Variants in TMEM94 observed in about 807,000 individuals in gnomAD.
TMEM94 encodes ER Mg2+ ATPase.
TMEM94 carries 81 observed loss-of-function variants against 158.6 expected under a neutral mutation model. The ratio of observed to expected loss-of-function variants is 0.51; its 90% CI spans 0.43 to 0.61. The LOEUF is 0.61. TMEM94 is among the 20% of genes least tolerant of loss of function. The probability of loss-of-function intolerance (pLI) is 0.00; values close to 1 mark genes in which losing one functional copy is unlikely to be tolerated. For missense variants in TMEM94, 1,435 were observed against 1,762.0 expected, an observed-to-expected ratio of 0.81 and a Z score of 3.32; for synonymous variants, 751 against 730.7, an observed-to-expected ratio of 1.03 and a Z score of -0.45.
In TMEM94 at chr17:75,494,668, G is replaced by T; in HGVS notation, c.2449G>T (p.Ala817Ser). 6.2e-7 allele frequency: 1 copy of T among 1,613,744 alleles called. No individual in the cohort carries two copies. Among genetic ancestry groups the T allele is most frequent in the Non-Finnish European group, 8.5e-7 (1 of 1,180,034 alleles). The part of the protein sequence containing the change: ...EVLEKEDCMQ[A>S]LSGQIFMGMV... Reference sequence around the variant, plus strand: ...GCTGGAGAAGGAAGACTGCATGCAGGCCCTGAGCGGCCAGATCTTCATGGG... The same window carrying T: ...GCTGGAGAAGGAAGACTGCATGCAGTCCCTGAGCGGCCAGATCTTCATGGG... Residue 817 changes from alanine to serine, a missense_variant, in exon 19 of 32, where the codon GCC becomes TCC. Physicochemically the swap from Ala to Ser is moderately conservative, Grantham distance 99 (BLOSUM62 1). Around this residue, in one of 3 missense-constraint regions of TMEM94, gnomAD observed 1,051 missense variants for 1,254.4 expected, o/e 0.84. Coordinates refer to ENST00000314256, the MANE Select transcript of TMEM94 (RefSeq NM_014738.6).
At chr17:75,486,807 T>C (rs542282882) in intron 5 of TMEM94, among the ~76,000 whole-genome samples, 1 of 152,194 alleles carries the variant, frequency 6.6e-6, no homozygotes, top group East Asian at 1.9e-4. Context: ...CAGACATACC[T>C]GCAGGAATTG....
rs1180723796 is a variant in TMEM94 at position 75,463,178 on chromosome 17, G to GTGTATATATATA, written c.-107+6428_-107+6429insGTATATATATAT. On this transcript the variant is annotated intron_variant, in intron 1 of 31. Coordinates refer to ENST00000314256, the MANE Select transcript of TMEM94 (RefSeq NM_014738.6). Reference sequence around the variant, plus strand: ...TATATATATGTGTGTGTGTGTGTGTGTATATATATATATATATATACAGTT... The same window carrying GTGTATATATATA: ...TATATATATGTGTGTGTGTGTGTGTGTGTATATATATATATATATATATATATATATACAGTT... Among the ~76,000 whole-genome samples, 19 of 15,082 alleles carry GTGTATATATATA rather than the reference G, an allele frequency of 1.3e-3. 5 individuals are homozygous for GTGTATATATATA. The highest frequency in any genetic ancestry group is 3.0e-3 in the African/African-American group (18 of 6,060). 9.9% of individuals were successfully genotyped at this position (15,082 alleles called of 152,430 possible).
At chr17:75,462,010 T>G (rs1438878518) in intron 1 of TMEM94, among the ~76,000 whole-genome samples, 1 of 93,926 alleles carries the variant, frequency 1.1e-5, no homozygotes, top group African/African-American at 5.1e-5. Context: ...TGTTTTGTTT[T>G]GTTTTTTTTT....
chr17:75,461,093 CTTTTTTTTT>C (rs59878082), intron 1 of TMEM94, among the ~76,000 whole-genome samples: 1 of 69,676 alleles, frequency 1.4e-5, no homozygotes, highest in African/African-American at 5.5e-5. Flanking sequence ...TTGCGATTGG[CTTTTTTTTT>C]TTTTTTTTTT....
At position 75,493,962 on chromosome 17, in the gene TMEM94, G is replaced by C. The variant is rs2052451090; in HGVS notation, c.2407+46G>C. 21 of 1,567,662 alleles carry C rather than the reference G, an allele frequency of 1.3e-5. No individual in the cohort carries two copies. In the East Asian group the frequency reaches 4.9e-4, roughly 36 times the overall value. On this transcript the variant is annotated intron_variant, in intron 18 of 31. Transcript: ENST00000314256. ...GCGGGGCTGGTGCTGGGGCTCCCCTGGGCTGCCGAAGCCCAGGAGCAGGGA... is the reference window on the plus strand; with the variant it reads ...GCGGGGCTGGTGCTGGGGCTCCCCTCGGCTGCCGAAGCCCAGGAGCAGGGA...
intron 1 of TMEM94, among the ~76,000 whole-genome samples, chr17:75,470,490 G>A (rs2050456131): frequency 6.6e-6 from 1 of 151,940 alleles, no homozygotes; most frequent in Admixed American, 6.6e-5. Flanking sequence ...CGGATCATGA[G>A]GTCAGGAGAT....
Position 75,496,797 on chromosome 17 carries a change from T to G in TMEM94, c.3311T>G (p.Val1104Gly). ...LFLLQCQLTLVVIQFLSCLVQ... is the reference protein window; with the variant it reads ...LFLLQCQLTLGVIQFLSCLVQ... ...CTGCTGCAGTGCCAGCTGACTCTTG[T>G]GGTCATCCAGGTGAGGTGGGGCCCG... Residue 1104 changes from valine to glycine, a missense_variant, in exon 25 of 32, where the codon GTG becomes GGG. Physicochemically the swap from Val to Gly is moderately radical, Grantham distance 109. Around this residue, in one of 3 missense-constraint regions of TMEM94, gnomAD observed 335 missense variants for 409.1 expected, o/e 0.82. Coordinates refer to ENST00000314256, the MANE Select transcript of TMEM94 (RefSeq NM_014738.6). 1.2e-6 allele frequency: 2 copies of G among 1,613,746 alleles called. No individual in the cohort carries two copies. Among genetic ancestry groups the G allele is most frequent in the Non-Finnish European group, 1.7e-6 (2 of 1,179,994 alleles).
In TMEM94 at chr17:75,493,829, G is replaced by A. The variant is rs777739433; in HGVS notation, c.2320G>A (p.Gly774Ser). 9 of 1,613,566 alleles carry A rather than the reference G, an allele frequency of 5.6e-6. No homozygotes were observed. Among genetic ancestry groups the A allele is most frequent in the African/African-American group, 4.0e-5 (3 of 74,886 alleles). Reference protein sequence around the residue: ...GKCIELVQVPGQSSIFTMCEL... With the variant: ...GKCIELVQVPSQSSIFTMCEL... The stretch of plus-strand genomic sequence containing the variant: ...GTGCATCGAGCTGGTACAGGTGCCC[G>A]GCCAAAGCAGCATCTTCACCATGTG... The change falls in exon 18 of 32, where the codon GGC becomes AGC. Residue 774 changes from glycine (G) to serine (S), a missense_variant. Gly to Ser is a moderately conservative substitution (Grantham distance 56). Around this residue, in one of 3 missense-constraint regions of TMEM94, gnomAD observed 1,051 missense variants for 1,254.4 expected, o/e 0.84. Transcript: ENST00000314256.
Position 75,485,606 on chromosome 17 carries a change from G to T in TMEM94, c.144+59G>T. ...CTGGGATGGCAGGGAAGTGTGGGAG[G>T]CCCCTTCTCAGGACTCTGATGTACC... On this transcript the variant is annotated intron_variant, in intron 3 of 31. Transcript: ENST00000314256. This position sits in a 1 kb window ranked among gnomAD's most constrained non-coding sequence, Gnocchi z 5.5. 1 of 1,610,048 alleles carries T rather than the reference G, an allele frequency of 6.2e-7. No homozygotes were observed.
chr17:75,475,755 C>T (rs1027326032), intron 2 of TMEM94, among the ~76,000 whole-genome samples: 2 of 152,168 alleles, frequency 1.3e-5, no homozygotes, highest in Admixed American at 6.5e-5. Flanking sequence ...GCACTTGGGC[C>T]GGTGTGTCTG....
At chr17:75,457,612 T>C (rs1172928313) in intron 1 of TMEM94, 1 of 152,242 alleles carries the variant, frequency 6.6e-6, no homozygotes, top group African/African-American at 2.4e-5. Flanking sequence ...TTCCTTCTGC[T>C]ATGTGGGTGT....
At chr17:75,490,386 G>T in intron 10 of TMEM94, 36 bp downstream of exon 10, 1 of 1,598,264 alleles carries the variant, frequency 6.3e-7, no homozygotes, top group South Asian at 1.1e-5. Flanking sequence ...GAAGTCACAG[G>T]AACAAAAAGA....
chr17:75,479,190 A>G (rs1333171543), intron 2 of TMEM94, among the ~76,000 whole-genome samples: 1 of 152,174 alleles, frequency 6.6e-6, no homozygotes, highest in African/African-American at 2.4e-5. Flanking sequence ...AAAGCAGGCC[A>G]GGCACGGTGG....
intron 1 of TMEM94, 143 bp from the exon 2 acceptor site, chr17:75,471,657 T>C (rs2146239965): frequency 2.5e-6 from 1 of 400,754 alleles, no homozygotes; most frequent in Non-Finnish European, 4.6e-6. Flanking sequence ...GAGTTTGCAG[T>C]GAGCCGAGAT....
At chr17:75,482,271 A>G (rs1161055886) in intron 2 of TMEM94, among the ~76,000 whole-genome samples, 1 of 151,756 alleles carries the variant, frequency 6.6e-6, no homozygotes, top group Non-Finnish European at 1.5e-5. Context: ...TCTTGAACCC[A>G]GGAGGCAGAA....
At chr17:75,470,577 C>T (rs1338918348) in intron 1 of TMEM94, among the ~76,000 whole-genome samples, 1 of 151,644 alleles carries the variant, frequency 6.6e-6, no homozygotes, top group Non-Finnish European at 1.5e-5. Flanking sequence ...TGGTGGCGGG[C>T]GCCTGTAGTC....
intron 1 of TMEM94, among the ~76,000 whole-genome samples, chr17:75,460,806 G>A (rs1360576707): frequency 6.6e-6 from 1 of 151,626 alleles, no homozygotes; most frequent in Non-Finnish European, 1.5e-5. Context: ...AGAAGTTGCC[G>A]ATTTTTAAAA....
At chr17:75,496,917 C>A (rs1178938957) in intron 25 of TMEM94, 110 bp downstream of exon 25, 2 of 1,213,556 alleles carry the variant, frequency 1.6e-6, no homozygotes, top group Admixed American at 1.8e-5. Flanking sequence ...GTCAAGGGGT[C>A]CCCCCAGAGC....
rs1230788984 is a variant in TMEM94 at position 75,474,379 on chromosome 17, AC to A, written c.24+2452del. Reference sequence around the variant, plus strand: ...AAATTAGCTGGGTGTGGTGGCACACACCTGTAATCCCAGCACTTTGGGAGGC... The same window carrying A: ...AAATTAGCTGGGTGTGGTGGCACACACTGTAATCCCAGCACTTTGGGAGGC... On this transcript the variant is annotated intron_variant, in intron 2 of 31. Transcript: ENST00000314256. Among the ~76,000 whole-genome samples, 11 of 151,586 alleles carry A rather than the reference AC, an allele frequency of 7.3e-5. No homozygotes were observed. In the East Asian group the frequency reaches 2.2e-3, roughly 30 times the overall value.
Sources: gnomAD v4.1 joint callset for allele counts (sites outside exome capture counted in the v4.1 genomes callset) on GRCh38, gnomAD v4.1.1 for gene constraint, gnomAD v4.1.1 regional missense constraint, Gnocchi (gnomAD v3.1) non-coding constraint, MANE v1.5 for transcripts, NCBI Gene and HGNC (gene_info 2026-07-23, HGNC 2026-07-21) for gene names.